Variants in TMC6 observed in about 807,000 individuals in gnomAD.
TMC6 encodes the protein transmembrane channel-like protein 6.
TMC6 carries 71 observed loss-of-function variants against 95.4 expected under a neutral mutation model. That is an observed-to-expected ratio of 0.74 (90% CI 0.61 to 0.91). The LOEUF (loss-of-function observed/expected upper bound fraction) is 0.91, where lower values mean the gene tolerates loss of function less well. TMC6 is among the 40% of genes least tolerant of loss of function. The probability of loss-of-function intolerance (pLI) is 0.00; values close to 1 mark genes in which losing one functional copy is unlikely to be tolerated. For missense variants in TMC6, 1,074 were observed against 1,079.1 expected (o/e 1.00, Z 0.07); for synonymous variants, 514 against 483.1 (o/e 1.06, Z -0.84).
chr17:78,119,641 T>C, intron 13 of TMC6: 1 of 550,098 alleles, frequency 1.8e-6, no homozygotes, highest in Non-Finnish European at 3.3e-6. Flanking sequence ...ACCAAATGAT[T>C]TTTTCTTTTT....
chr17:78,118,547 C>G (rs2074249548), intron 15 of TMC6, among the ~76,000 whole-genome samples: 1 of 143,650 alleles, frequency 7.0e-6, no homozygotes, highest in African/African-American at 2.7e-5. Context: ...CAAAGCAAGA[C>G]TCTGTCTCAA....
At chr17:78,118,869 G>A in intron 15 of TMC6, 102 bp downstream of exon 15, 1 of 1,328,340 alleles carries the variant, frequency 7.5e-7, no homozygotes, top group Non-Finnish European at 1.1e-6. Context: ...ACTCCACTCA[G>A]GTGGGGAGGG....
chr17:78,127,065 T>C (rs1274283100), intron 1 of TMC6, 159 bp from the exon 2 acceptor site: 2 of 613,628 alleles, frequency 3.3e-6, no homozygotes, highest in Admixed American at 5.3e-5. Context: ...AGGCACCGAA[T>C]AAGCCTCATG....
chr17:78,120,015 A>C (rs1371436525), intron 13 of TMC6: 1 of 393,598 alleles, frequency 2.5e-6, no homozygotes, highest in Non-Finnish European at 4.9e-6. Flanking sequence ...GAAAACACCA[A>C]GAGGAAAAAA....
chr17:78,124,672 TAGG>T lies in TMC6; in HGVS notation c.740_742del (p.Ser247del). 1 of 1,609,398 alleles carries T rather than the reference TAGG, an allele frequency of 6.2e-7. No individual in the cohort carries two copies. Among genetic ancestry groups the T allele is most frequent in the Non-Finnish European group, 8.5e-7 (1 of 1,178,292 alleles). ...CAGCAGGGTCTTGAGAAAGAGGAAG[TAGG>T]AGAGCACGCTGGAGCCGAACTGGCC... On this transcript the variant is annotated inframe_deletion, in exon 8 of 20. Transcript: ENST00000590602.
Position 78,119,013 on chromosome 17 carries a change from G to A in TMC6, c.1845C>T (p.Ala615=), listed in dbSNP as rs745633089. 1.9e-5 allele frequency: 31 copies of A among 1,604,200 alleles called. No homozygotes were observed. The highest frequency in any genetic ancestry group is 7.8e-5 in the South Asian group (7 of 89,592). ...CGAGCAGCAGCTTGATGATCTGCAC[G>A]GCGGGGAGGAGGGGCGAGAAGAGCA... ...LGVLFSPLLP[A]VQIIKLLLVF... is the part of the protein sequence containing the mutation. Residue 615 remains alanine (A), a synonymous_variant, in exon 15 of 20, where the codon GCC becomes GCT. Transcript: ENST00000590602.
chr17:78,123,607 GGATGA>G (rs2074531534), intron 9 of TMC6, among the ~76,000 whole-genome samples: 6 of 142,606 alleles, frequency 4.2e-5, no homozygotes, highest in Non-Finnish European at 9.2e-5. Context: ...GTGGGTGAAT[GGATGA>G]ATGGGTGGAT....
chr17:78,131,941 G>A (rs2145576595), upstream of TMC6: 2 of 1,508,914 alleles, frequency 1.3e-6, no homozygotes, highest in East Asian at 2.5e-5. Flanking sequence ...CAGCGCCGGC[G>A]GCAGACGGTG....
At position 78,121,423 on chromosome 17, in the gene TMC6, G is replaced by C; in HGVS notation, c.1383+133C>G. 6.7e-7 allele frequency: 1 copy of C among 1,486,928 alleles called. No individual in the cohort carries two copies. The highest frequency in any genetic ancestry group is 1.2e-5 in the South Asian group (1 of 83,398). 92.1% of individuals were successfully genotyped at this position (1,486,928 alleles called of 1,614,324 possible). On this transcript the variant is annotated intron_variant, in intron 11 of 19. Transcript: ENST00000590602. The surrounding 1 kb of genome is among the most constrained non-coding windows in gnomAD (Gnocchi z 5.6). The stretch of plus-strand genomic sequence containing the variant: ...GGGGCTCGGAGGGGGCCCCAGCACG[G>C]GGCACAGCGTACGTGGCACCCTGGG...
rs370935158 is a variant in TMC6, at chr17:78,117,225, C to T, written c.2277+44G>A. 27 of 1,607,138 alleles carry T rather than the reference C, an allele frequency of 1.7e-5. No homozygotes were observed. In the African/African-American group the frequency reaches 3.3e-4, roughly 20 times the overall value. On this transcript the variant is annotated intron_variant, in intron 18 of 19. Transcript: ENST00000590602. Reference sequence around the variant, plus strand: ...GGAGGGGAGCGTCACCCTCAGGTGACCTGAGAGGGTGGGGGCTGAGAGCAG... The same window carrying T: ...GGAGGGGAGCGTCACCCTCAGGTGATCTGAGAGGGTGGGGGCTGAGAGCAG...
At chr17:78,116,539 T>C (rs62079065) in intron 18 of TMC6, among the ~76,000 whole-genome samples, 12 of 150,750 alleles carry the variant, frequency 8.0e-5, no homozygotes, top group Middle Eastern at 3.4e-3. Flanking sequence ...TCCCAAAGCA[T>C]TGGGACTATA....
intron 15 of TMC6, chr17:78,118,195 C>T (rs1352801600): frequency 1.7e-6 from 1 of 579,170 alleles, no homozygotes; most frequent in African/African-American, 1.9e-5. Flanking sequence ...GTACACACCA[C>T]CTCCCTCAGT....
At chr17:78,128,860 C>T (rs2074882847), upstream of TMC6, 1 of 151,150 alleles carries the variant, frequency 6.6e-6, no homozygotes, top group African/African-American at 2.4e-5. This position sits in a 1 kb window ranked among gnomAD's most constrained non-coding sequence, Gnocchi z 4.0. Context: ...GCGCCCCCGC[C>T]CTCCTCCGGG....
chr17:78,115,677 CAG>C (rs1491476978), intron 18 of TMC6, among the ~76,000 whole-genome samples: 48 of 106,452 alleles, frequency 4.5e-4, no homozygotes, highest in African/African-American at 5.9e-4. Context: ...GGAGTGGGCA[CAG>C]GGGCGAAGGG....
upstream of TMC6, among the ~76,000 whole-genome samples, chr17:78,129,208 C>T (rs1295477410): frequency 6.6e-6 from 1 of 151,582 alleles, no homozygotes; most frequent in African/African-American, 2.4e-5. This position sits in a 1 kb window ranked among gnomAD's most constrained non-coding sequence, Gnocchi z 4.3. Flanking sequence ...GACACCTGGG[C>T]GGGGTTCATT....
In TMC6 at chr17:78,120,463, C is replaced by T. The variant is rs2074357418; in HGVS notation, c.1715+190G>A. On this transcript the variant is annotated intron_variant, in intron 13 of 19. Coordinates refer to ENST00000590602, the MANE Select transcript of TMC6 (RefSeq NM_001127198.5). ...GCATGAGCCACCATGCCTGGCCATA[C>T]ACATCACTTTGAAACCTGTTTTCCT... The T allele has an allele frequency of 3.4e-6, 3 of 888,898 alleles. No individual in the cohort carries two copies. In the Admixed American group the frequency reaches 5.7e-5, roughly 17 times the overall value. The allele number at this position is 888,898 out of a possible 1,614,324, so 55.1% of individuals were successfully genotyped here. A position where few individuals can be genotyped will look rare whatever the true frequency, so the allele number is the denominator to read the frequency against.
At position 78,126,525 on chromosome 17, in the gene TMC6, T is replaced by G. The variant is rs750150319; in HGVS notation, c.180A>C (p.Thr60=). The change falls in exon 3 of 20, where the codon ACA becomes ACC. Residue 60 remains threonine (T), a splice_region_variant and synonymous_variant. Transcript: ENST00000590602. ...CCCAGCATCCAGGCCTGAGCTCACC[T>G]GTCACCTCCCGCTCTCTCTGCTGCA... ...LELQQREREV[T]GSSQQTLWRP... 19 of 1,613,302 alleles carry G rather than the reference T, an allele frequency of 1.2e-5. No individual in the cohort carries two copies. The African/African-American group carries it at 2.3e-4, about 19-fold the overall frequency.
At chr17:78,123,371 GTGGGTGGA>G (rs2074510231) in intron 9 of TMC6, among the ~76,000 whole-genome samples, 3 of 151,986 alleles carry the variant, frequency 2.0e-5, no homozygotes, top group Admixed American at 1.3e-4. Context: ...GAATAAATGT[GTGGGTGGA>G]TGGGTGGATG....
intron 8 of TMC6, 89 bp from the exon 9 acceptor site, chr17:78,124,268 G>C: frequency 1.3e-6 from 2 of 1,543,776 alleles, no homozygotes; most frequent in Non-Finnish European, 1.8e-6. Context: ...AGAGCAGGAG[G>C]AGGCCAGGCA....
Sources: gnomAD v4.1 joint callset for allele counts (sites outside exome capture counted in the v4.1 genomes callset) on GRCh38, gnomAD v4.1.1 for gene constraint, Gnocchi (gnomAD v3.1) non-coding constraint, MANE v1.5 for transcripts, NCBI Gene and HGNC (gene_info 2026-07-23, HGNC 2026-07-21) for gene names.